MEGF11: variants seen among roughly 807,000 people sequenced by gnomAD.
The protein encoded by MEGF11 is multiple EGF like domains 11.
In MEGF11, 126 loss-of-function variants were observed where a neutral mutation model predicts 146.6. The ratio of observed to expected loss-of-function variants is 0.86; its 90% CI spans 0.74 to 1.00. The LOEUF (loss-of-function observed/expected upper bound fraction) is 1.00. Among genes scored for constraint, MEGF11 ranks in the 50% least tolerant of loss-of-function variants. The pLI, the probability that MEGF11 is intolerant of heterozygous loss-of-function variation, is 0.00. For synonymous variants in MEGF11, 532 were observed against 583.4 expected (o/e 0.91, Z 1.27); for missense variants, 1,509 against 1,521.2 (o/e 0.99, Z 0.13).
rs2078610366 is a variant in MEGF11 at position 65,905,840 on chromosome 15, TA to T, written c.3055+244del. On this transcript the variant is annotated intron_variant, in intron 24 of 25. Coordinates refer to ENST00000395614, the MANE Select transcript of MEGF11 (RefSeq NM_001385028.1). Reference sequence around the variant, plus strand: ...TCCGAAGACATTTAGTTGGCATCTATAAAAAACCCACAAGCATTTGCTAAGC... The same window carrying T: ...TCCGAAGACATTTAGTTGGCATCTATAAAAACCCACAAGCATTTGCTAAGC... 5 of 407,312 alleles carry T rather than the reference TA, an allele frequency of 1.2e-5. No homozygotes were observed. The East Asian group carries it at 1.9e-4, about 16-fold the overall frequency. 25.2% of individuals were successfully genotyped at this position (407,312 alleles called of 1,614,324 possible). A position where few individuals can be genotyped will look rare whatever the true frequency, so the allele number is the denominator to read the frequency against.
chr15:65,968,629 C>T (rs191980229), intron 8 of MEGF11, among the ~76,000 whole-genome samples: 36 of 152,108 alleles, frequency 2.4e-4, no homozygotes, highest in Admixed American at 7.2e-4. Context: ...GCAACGATGG[C>T]TAATGAATTT....
At chr15:65,917,287 C>T (rs567106017) in intron 16 of MEGF11, among the ~76,000 whole-genome samples, 112 of 152,256 alleles carry the variant, frequency 7.4e-4, no homozygotes, top group African/African-American at 2.6e-3. Context: ...CGTGTATGTA[C>T]TGTGTGTGTT....
intron 20 of MEGF11, 54 bp downstream of exon 20, chr15:65,913,683 G>A: frequency 6.8e-7 from 1 of 1,464,078 alleles, no homozygotes; most frequent in Non-Finnish European, 9.4e-7. Flanking sequence ...AACCATTCCT[G>A]GGGTATGTGT....
chr15:66,062,996 C>T (rs2084967959), intron 5 of MEGF11, among the ~76,000 whole-genome samples: 1 of 152,134 alleles, frequency 6.6e-6, no homozygotes, highest in Non-Finnish European at 1.5e-5. Flanking sequence ...AGAGTGTTTT[C>T]AGATGTGAGT....
At chr15:65,951,714 A>AC (rs56654235) in intron 10 of MEGF11, among the ~76,000 whole-genome samples, 8 of 120,966 alleles carry the variant, frequency 6.6e-5, no homozygotes, top group African/African-American at 2.2e-4. Context: ...AAACAAACAA[A>AC]AAAACCCCAA....
At chr15:65,915,377 TATC>T (rs2078958484) in intron 19 of MEGF11, 90 bp downstream of exon 19, 23 of 1,474,428 alleles carry the variant, frequency 1.6e-5, no homozygotes, top group South Asian at 3.9e-5. Flanking sequence ...TAAAGGGAAG[TATC>T]ATCAAATCCA....
At chr15:66,233,099 A>G (rs1212103763) in intron 1 of MEGF11, among the ~76,000 whole-genome samples, 1 of 152,194 alleles carries the variant, frequency 6.6e-6, no homozygotes, top group Non-Finnish European at 1.5e-5. Context: ...CAAACAGGTT[A>G]AGCAGCGTGC....
chr15:66,085,466 C>T lies in MEGF11; in HGVS notation c.394+8936G>A, dbSNP rs138996308. ...CCACCAGAACAGGCACTGGTATCCA[C>T]GGCTGAGAGACCATAGACAGTTTAC... On this transcript the variant is annotated intron_variant, in intron 5 of 25. Coordinates refer to ENST00000395614, the MANE Select transcript of MEGF11 (RefSeq NM_001385028.1). Among the ~76,000 whole-genome samples, 773 of 152,320 alleles carry T rather than the reference C, an allele frequency of 5.1e-3. 2 individuals are homozygous for T. Among genetic ancestry groups the T allele is most frequent in the Non-Finnish European group, 8.0e-3 (547 of 68,040 alleles).
At chr15:66,201,775 T>TA (rs759305433) in intron 1 of MEGF11, among the ~76,000 whole-genome samples, 1,080 of 47,384 alleles carry the variant, frequency 0.023, 97 homozygotes, top group African/African-American at 0.043. Context: ...TTACTAAAAA[T>TA]CCCAAAAAAA....
intron 5 of MEGF11, among the ~76,000 whole-genome samples, chr15:66,012,196 C>CA (rs2082730642): frequency 6.6e-6 from 1 of 152,108 alleles, no homozygotes; most frequent in African/African-American, 2.4e-5. Flanking sequence ...TGATCTCTAC[C>CA]AAAAACATTA....
intron 3 of MEGF11, among the ~76,000 whole-genome samples, chr15:66,119,633 T>A (rs2087918739): frequency 6.7e-6 from 1 of 148,496 alleles, no homozygotes; most frequent in African/African-American, 2.5e-5. Flanking sequence ...TGAGTATTGG[T>A]CCCCCCACTT....
chr15:66,055,873 A>G (rs895548198), intron 5 of MEGF11, among the ~76,000 whole-genome samples: 1 of 152,164 alleles, frequency 6.6e-6, no homozygotes, highest in Non-Finnish European at 1.5e-5. Context: ...GAGACTGGCC[A>G]GGATAAAAAA....
At chr15:66,068,569 C>G (rs1235808216) in intron 5 of MEGF11, among the ~76,000 whole-genome samples, 2 of 152,204 alleles carry the variant, frequency 1.3e-5, no homozygotes, top group African/African-American at 4.8e-5. Context: ...AATCACAAAG[C>G]AAGTTAGTGG....
intron 1 of MEGF11, among the ~76,000 whole-genome samples, chr15:66,220,352 G>A (rs1337467635): frequency 6.6e-6 from 1 of 151,566 alleles, no homozygotes; most frequent in African/African-American, 2.4e-5. Context: ...CAATAATCTA[G>A]GGAATTACAC....
chr15:66,202,594 C>A (rs1049250517), intron 1 of MEGF11, among the ~76,000 whole-genome samples: 18 of 152,236 alleles, frequency 1.2e-4, no homozygotes, highest in Non-Finnish European at 4.4e-5. Context: ...TCCTGCTCAC[C>A]CTCCTTTCCC....
chr15:66,054,468 CT>C (rs2084596500), intron 5 of MEGF11, among the ~76,000 whole-genome samples: 1 of 152,210 alleles, frequency 6.6e-6, no homozygotes, highest in African/African-American at 2.4e-5. Context: ...GAATGTGCTG[CT>C]CCCACTGCCT....
intron 21 of MEGF11, 67 bp from the exon 22 acceptor site, chr15:65,909,873 T>G (rs1336914467): frequency 7.2e-7 from 1 of 1,380,724 alleles, no homozygotes; most frequent in Non-Finnish European, 1.0e-6. Context: ...GTCTTCACTT[T>G]GCGTAGCTTC....
rs553686278 is a variant in MEGF11 at position 66,171,474 on chromosome 15, C to T, written c.-8-43063G>A. Among the ~76,000 whole-genome samples, 9 of 152,210 alleles carry T rather than the reference C, an allele frequency of 5.9e-5. No individual in the cohort carries two copies. In the East Asian group the frequency reaches 1.7e-3, roughly 29 times the overall value. Reference sequence around the variant, plus strand: ...TCCAAGGACAGAGAGGACTGCTGGTCCCTCACCCTACATGGGGCTGGGGAC... The same window carrying T: ...TCCAAGGACAGAGAGGACTGCTGGTTCCTCACCCTACATGGGGCTGGGGAC... On this transcript the variant is annotated intron_variant, in intron 1 of 25. Transcript: ENST00000395614.
chr15:66,023,149 A>AAAC (rs1035192475), intron 5 of MEGF11, among the ~76,000 whole-genome samples: 32 of 151,084 alleles, frequency 2.1e-4, no homozygotes, highest in East Asian at 3.9e-4. Context: ...TCAAAAAAAA[A>AAAC]AAAAAACAAA....
Sources: allele counts gnomAD v4.1 joint callset (sites outside exome capture counted in the v4.1 genomes callset), GRCh38; gene constraint gnomAD v4.1.1; transcripts MANE v1.5; gene names NCBI Gene and HGNC (gene_info 2026-07-23, HGNC 2026-07-21).